OTOP1: variants seen among roughly 807,000 people sequenced by gnomAD.
The protein encoded by OTOP1 is otopetrin 1.
Under a neutral mutation model 52.9 loss-of-function variants are expected in OTOP1, and 59 were observed. The ratio of observed to expected loss-of-function variants is 1.12; its 90% CI spans 0.91 to 1.39. OTOP1 has a LOEUF of 1.39. OTOP1 is among the 40% of genes most tolerant of loss of function. OTOP1 has a pLI of 0.00. For missense variants in OTOP1, 761 were observed against 800.9 expected, an observed-to-expected ratio of 0.95 and a Z score of 0.60; for synonymous variants, 317 against 337.7, an observed-to-expected ratio of 0.94 and a Z score of 0.67.
intron 2 of OTOP1, among the ~76,000 whole-genome samples, chr4:4,212,381 C>T (rs184989157): frequency 0.013 from 2,020 of 152,224 alleles, 24 homozygotes; most frequent in Middle Eastern, 0.061. Context: ...GTTTCCATGA[C>T]CCAGAGGAGG....
intron 1 of OTOP1, among the ~76,000 whole-genome samples, chr4:4,219,339 C>T (rs1280290242): frequency 6.6e-6 from 1 of 152,146 alleles, no homozygotes; most frequent in Admixed American, 6.6e-5. Context: ...TAATATCAGA[C>T]CGTATGGGAT....
chr4:4,190,493 T>C (rs549312326), intron 5 of OTOP1, among the ~76,000 whole-genome samples: 1 of 152,042 alleles, frequency 6.6e-6, no homozygotes, highest in African/African-American at 2.4e-5. Flanking sequence ...AATAAATAAA[T>C]TCAAAAAATA....
intron 1 of OTOP1, among the ~76,000 whole-genome samples, 196 bp from the exon 2 acceptor site, chr4:4,213,200 A>G (rs574144899): frequency 2.0e-5 from 3 of 152,258 alleles, no homozygotes; most frequent in Non-Finnish European, 4.4e-5. Context: ...GGATGTCCAC[A>G]TGCAAACGAA....
intron 5 of OTOP1, among the ~76,000 whole-genome samples, chr4:4,190,810 G>A (rs376650113): frequency 2.0e-5 from 3 of 152,050 alleles, no homozygotes; most frequent in African/African-American, 2.4e-5. Flanking sequence ...CCTGTTTGGC[G>A]GGTCCCTCCC....
intron 1 of OTOP1, among the ~76,000 whole-genome samples, chr4:4,224,800 A>G (rs553187943): frequency 2.5e-4 from 38 of 152,362 alleles, no homozygotes; most frequent in Non-Finnish European, 3.7e-4. Flanking sequence ...TACAAGGCAG[A>G]AACGGACAAG....
chr4:4,224,962 T>C (rs1190618716), intron 1 of OTOP1, among the ~76,000 whole-genome samples: 1 of 152,202 alleles, frequency 6.6e-6, no homozygotes, highest in African/African-American at 2.4e-5. Context: ...AGCCACCTCA[T>C]CAGTCACTGG....
intron 3 of OTOP1, among the ~76,000 whole-genome samples, chr4:4,204,754 G>A (rs1426302117): frequency 6.7e-6 from 1 of 149,714 alleles, no homozygotes; most frequent in Non-Finnish European, 1.5e-5. Context: ...GTGTGTGCGT[G>A]TGCATGGTGC....
intron 2 of OTOP1, among the ~76,000 whole-genome samples, chr4:4,212,574 A>C (rs1158663029): frequency 6.6e-6 from 1 of 152,216 alleles, no homozygotes; most frequent in Non-Finnish European, 1.5e-5. Flanking sequence ...CCCAGAAAAT[A>C]AAATTCCCTC....
intron 5 of OTOP1, among the ~76,000 whole-genome samples, chr4:4,192,429 A>T (rs1560204233): frequency 6.6e-6 from 1 of 152,242 alleles, no homozygotes; most frequent in Non-Finnish European, 1.5e-5. Context: ...CATGAGTCAC[A>T]ATAAATCCCA....
At chr4:4,200,335 C>T (rs374006831) in intron 4 of OTOP1, among the ~76,000 whole-genome samples, 1 of 151,862 alleles carries the variant, frequency 6.6e-6, no homozygotes, top group East Asian at 1.9e-4. Context: ...ATTAGCCGGG[C>T]GTGGTGGCAG....
At chr4:4,217,012 G>C (rs1717169387) in intron 1 of OTOP1, among the ~76,000 whole-genome samples, 1 of 152,228 alleles carries the variant, frequency 6.6e-6, no homozygotes, top group Admixed American at 6.5e-5. Flanking sequence ...AAATTTTCAA[G>C]TGGGGCTGCC....
intron 3 of OTOP1, among the ~76,000 whole-genome samples, chr4:4,204,474 C>A (rs561036672): frequency 6.6e-6 from 1 of 152,250 alleles, no homozygotes; most frequent in South Asian, 2.1e-4. Flanking sequence ...CCCAGGCCCA[C>A]TGAACTCAAG....
At chr4:4,212,530 G>A (rs146063005) in intron 2 of OTOP1, among the ~76,000 whole-genome samples, 87 of 152,220 alleles carry the variant, frequency 5.7e-4, no homozygotes, top group Non-Finnish European at 1.1e-3. Flanking sequence ...TGAATTATAC[G>A]CCACGTGAAT....
intron 1 of OTOP1, among the ~76,000 whole-genome samples, chr4:4,225,179 T>A (rs1056223287): frequency 4.6e-5 from 7 of 152,192 alleles, no homozygotes; most frequent in African/African-American, 1.7e-4. Flanking sequence ...GCACTTGGCC[T>A]CTCCTGGGAA....
In OTOP1 at chr4:4,226,615, C is replaced by A. The variant is rs1190672900; in HGVS notation, c.250G>T (p.Ala84Ser). The A allele has an allele frequency of 1.3e-6, 2 of 1,598,026 alleles. No individual in the cohort carries two copies. The highest frequency in any genetic ancestry group is 2.2e-5 in the South Asian group (2 of 89,560). The change falls in exon 1 of 6, where the codon GCC (alanine) becomes TCC (serine). Residue 84 changes from alanine (A) to serine (S), a missense_variant. Around this residue, in one of 3 missense-constraint regions of OTOP1, gnomAD observed 56 missense variants for 105.6 expected, o/e 0.53. Coordinates refer to ENST00000296358, the MANE Select transcript of OTOP1 (RefSeq NM_177998.3). Reference sequence around the variant, plus strand: ...AGGTCGCTCTTGCTCACGCCCGCGGCGTGCACGGCCCAGGCCAGCAGCAGC... The same window carrying A: ...AGGTCGCTCTTGCTCACGCCCGCGGAGTGCACGGCCCAGGCCAGCAGCAGC... The part of the protein sequence containing the change: ...LLLLLAWAVH[A>S]AGVSKSDLLC...
At chr4:4,190,310 T>C (rs1716474325) in intron 5 of OTOP1, among the ~76,000 whole-genome samples, 1 of 152,074 alleles carries the variant, frequency 6.6e-6, no homozygotes, top group Non-Finnish European at 1.5e-5. Context: ...CCATCTCTAC[T>C]AAAAATACAA....
intron 1 of OTOP1, among the ~76,000 whole-genome samples, chr4:4,222,437 A>C (rs1315898634): frequency 6.6e-6 from 1 of 151,334 alleles, no homozygotes; most frequent in Non-Finnish European, 1.5e-5. Flanking sequence ...TCCTGCCGCC[A>C]CTCTTTCCAG....
chr4:4,197,483 G>A lies in OTOP1; in HGVS notation c.1351C>T (p.Pro451Ser), dbSNP rs1716667393. 5 of 1,614,104 alleles carry A rather than the reference G, an allele frequency of 3.1e-6. No homozygotes were observed. The South Asian group carries it at 5.5e-5, about 18-fold the overall frequency. ...LFIFESIHREPEKLSEDIQTL... is the reference protein window; with the variant it reads ...LFIFESIHRESEKLSEDIQTL... ...TGGATGTCCTCAGAGAGTTTTTCAG[G>A]CTCTCGGTGAATGGATTCAAAGATG... Residue 451 changes from proline (P) to serine (S), a missense_variant, in exon 5 of 6, where the codon CCT becomes TCT. Transcript: ENST00000296358.
At chr4:4,205,209 C>T (rs1427553760) in intron 3 of OTOP1, among the ~76,000 whole-genome samples, 2 of 152,202 alleles carry the variant, frequency 1.3e-5, no homozygotes, top group African/African-American at 4.8e-5. Flanking sequence ...CCTACACTTG[C>T]TGAGTGCCTG....
Sources: gnomAD v4.1 joint callset for allele counts (sites outside exome capture counted in the v4.1 genomes callset) on GRCh38, gnomAD v4.1.1 for gene constraint, gnomAD v4.1.1 regional missense constraint, MANE v1.5 for transcripts, NCBI Gene and HGNC (gene_info 2026-07-23, HGNC 2026-07-21) for gene names.